Variants in STAP1 observed in about 807,000 individuals in gnomAD.
STAP1 encodes signal-transducing adaptor protein 1.
STAP1 carries 30 observed loss-of-function variants against 37.8 expected under a neutral mutation model. The observed-to-expected ratio is 0.79, with a 90% CI of 0.59 to 1.08. The LOEUF (loss-of-function observed/expected upper bound fraction) is 1.08. Among genes scored for constraint, STAP1 ranks in the 50% least tolerant of loss-of-function variants. STAP1 has a pLI of 0.00. For missense variants in STAP1, 357 were observed against 349.4 expected (o/e 1.02, Z -0.17); for synonymous variants, 130 against 116.0 (o/e 1.12, Z -0.78).
At chr4:67,574,795 G>A (rs1727681951) in intron 2 of STAP1, among the ~76,000 whole-genome samples, 1 of 152,096 alleles carries the variant, frequency 6.6e-6, no homozygotes, top group South Asian at 2.1e-4. Flanking sequence ...GGTACTGTTT[G>A]GCCTTTTGCA....
intron 1 of STAP1, among the ~76,000 whole-genome samples, chr4:67,562,015 T>A (rs1727350358): frequency 7.4e-6 from 1 of 134,608 alleles, no homozygotes; most frequent in Non-Finnish European, 1.5e-5. Flanking sequence ...GAGGTTGCAG[T>A]GATCCGAGAT....
At chr4:67,585,425 C>T (rs1321789045) in intron 6 of STAP1, among the ~76,000 whole-genome samples, 2 of 152,126 alleles carry the variant, frequency 1.3e-5, no homozygotes, top group East Asian at 1.9e-4. Context: ...GCCCAATAAG[C>T]TTTATTCACT....
intron 6 of STAP1, among the ~76,000 whole-genome samples, chr4:67,584,439 A>T (rs1293212246): frequency 1.3e-5 from 2 of 152,214 alleles, no homozygotes; most frequent in Non-Finnish European, 2.9e-5. Context: ...ATAGACTTAA[A>T]CACATAACTA....
chr4:67,582,385 T>C lies in STAP1; in HGVS notation c.530+914T>C, dbSNP rs1340736227. ...AGAGTGCAGCACGATCTCAGCTCAC[T>C]GCAATCTCCACCTCTGGGTCTCAAA... On this transcript the variant is annotated intron_variant, in intron 5 of 8. Coordinates refer to ENST00000265404, the MANE Select transcript of STAP1 (RefSeq NM_012108.4). 2.6e-5 allele frequency among the ~76,000 whole-genome samples: 4 copies of C among 152,030 alleles called. No homozygotes were observed. In the South Asian group the frequency reaches 6.3e-4, roughly 24 times the overall value.
chr4:67,559,384 A>G (rs6826766), intron 1 of STAP1, among the ~76,000 whole-genome samples: 69,732 of 151,876 alleles, frequency 0.46, 17,745 homozygotes, highest in Non-Finnish European at 0.58. Flanking sequence ...AAATTATTAA[A>G]AATGGCTTTT....
chr4:67,558,789 C>A lies in STAP1; in HGVS notation c.-21C>A, dbSNP rs1727267266. On this transcript the variant is annotated 5_prime_UTR_variant, in exon 1 of 9. Coordinates refer to ENST00000265404, the MANE Select transcript of STAP1 (RefSeq NM_012108.4). Reference sequence around the variant, plus strand: ...ATTTTGTTTGAGACGAGAAACCAAACCACACACCAAAGAGAGGGGTATGAT... The same window carrying A: ...ATTTTGTTTGAGACGAGAAACCAAAACACACACCAAAGAGAGGGGTATGAT... 1 of 1,598,738 alleles carries A rather than the reference C, an allele frequency of 6.3e-7. No individual in the cohort carries two copies. Among genetic ancestry groups the A allele is most frequent in the Admixed American group, 1.8e-5 (1 of 55,568 alleles).
At chr4:67,573,829 A>G (rs1240829683) in intron 2 of STAP1, among the ~76,000 whole-genome samples, 1 of 152,170 alleles carries the variant, frequency 6.6e-6, no homozygotes, top group African/African-American at 2.4e-5. Flanking sequence ...AAAATAAGTC[A>G]TATTGGCTAC....
intron 8 of STAP1, among the ~76,000 whole-genome samples, chr4:67,600,512 T>C (rs2109878282): frequency 1.3e-5 from 2 of 152,312 alleles, no homozygotes; most frequent in African/African-American, 4.8e-5. Flanking sequence ...AAATTTCTAT[T>C]AGGTTCATTT....
At chr4:67,580,215 T>C (rs1727820416) in intron 4 of STAP1, among the ~76,000 whole-genome samples, 1 of 152,208 alleles carries the variant, frequency 6.6e-6, no homozygotes, top group Non-Finnish European at 1.5e-5. Flanking sequence ...TGTACAATGC[T>C]TGAGCTATAA....
intron 6 of STAP1, among the ~76,000 whole-genome samples, chr4:67,587,838 A>T (rs959607714): frequency 7.3e-5 from 11 of 150,464 alleles, no homozygotes; most frequent in African/African-American, 2.7e-4. Flanking sequence ...CTCCTGCCTC[A>T]GCCTCCCGAG....
chr4:67,570,083 T>G (rs1314938166), intron 1 of STAP1, among the ~76,000 whole-genome samples: 1 of 152,132 alleles, frequency 6.6e-6, no homozygotes, highest in Non-Finnish European at 1.5e-5. Flanking sequence ...ATCTCTATGA[T>G]AGCAATGCCC....
chr4:67,574,035 A>T (rs1392326262), intron 2 of STAP1, among the ~76,000 whole-genome samples: 1 of 152,140 alleles, frequency 6.6e-6, no homozygotes, highest in Non-Finnish European at 1.5e-5. Flanking sequence ...CTTGGATAGG[A>T]TAGGAATTTC....
chr4:67,604,737 T>C (rs900791), intron 8 of STAP1, among the ~76,000 whole-genome samples: 28,811 of 152,188 alleles, frequency 0.19, 3,196 homozygotes, highest in East Asian at 0.49. Flanking sequence ...TTGAATATTA[T>C]GTTGTGAGCC....
intron 5 of STAP1, among the ~76,000 whole-genome samples, chr4:67,582,728 A>C (rs2109865937): frequency 6.6e-6 from 1 of 152,242 alleles, no homozygotes; most frequent in East Asian, 1.9e-4. Flanking sequence ...TTTTGACTTT[A>C]AGATGATGCA....
At chr4:67,570,860 G>A (rs1020876567) in intron 1 of STAP1, among the ~76,000 whole-genome samples, 43 of 152,202 alleles carry the variant, frequency 2.8e-4, no homozygotes, top group African/African-American at 1.0e-3. Context: ...CTTGAGCCTA[G>A]GAGTTGGAGA....
Position 67,593,303 on chromosome 4 carries a change from A to T in STAP1, c.773A>T (p.Lys258Met). The change falls in exon 8 of 9, where the codon AAG (lysine) becomes ATG (methionine). Residue 258 changes from lysine (K) to methionine (M), a missense_variant. By Grantham distance (95) the Lys-to-Met change is moderately conservative. Transcript: ENST00000265404. ...NLFSVIDYFV[K>M]ETRGNLRPFI... Reference sequence around the variant, plus strand: ...TTCAGTGTCATTGATTATTTTGTGAAGGAGACTCGAGGAAATTTAAGACCA... The same window carrying T: ...TTCAGTGTCATTGATTATTTTGTGATGGAGACTCGAGGAAATTTAAGACCA... 1 of 1,613,522 alleles carries T rather than the reference A, an allele frequency of 6.2e-7. No individual in the cohort carries two copies. Among genetic ancestry groups the T allele is most frequent in the South Asian group, 1.1e-5 (1 of 90,920 alleles).
rs565573089 is a variant in STAP1, at chr4:67,574,561, G to A, written c.193-824G>A. Among the ~76,000 whole-genome samples the A allele has an allele frequency of 3.9e-5, 6 of 152,240 alleles. No homozygotes were observed. In the South Asian group the frequency reaches 1.0e-3, roughly 26 times the overall value. Reference sequence around the variant, plus strand: ...TTTTTGTTCTATTTAGAGTGAAACAGATTCAGACACAACAAACCTATCTCA... The same window carrying A: ...TTTTTGTTCTATTTAGAGTGAAACAAATTCAGACACAACAAACCTATCTCA... On this transcript the variant is annotated intron_variant, in intron 2 of 8. Transcript: ENST00000265404.
intron 8 of STAP1, among the ~76,000 whole-genome samples, chr4:67,601,099 T>C (rs1728332552): frequency 6.6e-6 from 1 of 152,180 alleles, no homozygotes; most frequent in Admixed American, 6.5e-5. Context: ...TGGTGGTATC[T>C]TTAATTTCTT....
intron 7 of STAP1, among the ~76,000 whole-genome samples, chr4:67,592,318 G>T (rs917537506): frequency 2.6e-5 from 4 of 151,940 alleles, no homozygotes; most frequent in East Asian, 1.9e-4. Flanking sequence ...CCTCTTCAAG[G>T]TTATCTGGTA....
Sources: gnomAD v4.1 joint callset for allele counts (sites outside exome capture counted in the v4.1 genomes callset) on GRCh38, gnomAD v4.1.1 for gene constraint, MANE v1.5 for transcripts, NCBI Gene and HGNC (gene_info 2026-07-23, HGNC 2026-07-21) for gene names.